Variants in RGS6 observed in about 807,000 individuals in gnomAD.
RGS6 encodes regulator of G-protein signaling 6.
A neutral mutation model predicts 78.5 loss-of-function variants in RGS6; 30 were observed. The ratio of observed to expected loss-of-function variants is 0.38; its 90% confidence interval spans 0.29 to 0.52. The LOEUF is 0.52. Among genes scored for constraint, RGS6 ranks in the 20% least tolerant of loss-of-function variants. The probability of loss-of-function intolerance (pLI) is 0.85; values close to 1 mark genes in which losing one functional copy is unlikely to be tolerated. For synonymous variants in RGS6, 206 were observed against 206.0 expected (o/e 1.00, Z 0.00); for missense variants, 495 against 609.7 (o/e 0.81, Z 1.98).
At chr14:71,999,823 C>T (rs1248571578) in intron 2 of RGS6, among the ~76,000 whole-genome samples, 1 of 115,870 alleles carries the variant, frequency 8.6e-6, no homozygotes, top group South Asian at 2.9e-4. Flanking sequence ...ATGCTAGCAT[C>T]ATGCTTCCTG....
At chr14:72,352,003 T>A in intron 2 of RGS6, 92 bp from the exon 3 acceptor site, 1 of 865,960 alleles carries the variant, frequency 1.2e-6, no homozygotes, top group Non-Finnish European at 1.8e-6. Flanking sequence ...ATTGTTGACA[T>A]CCATGTTTAT....
At chr14:72,015,034 G>C (rs2086654600) in intron 2 of RGS6, among the ~76,000 whole-genome samples, 1 of 152,156 alleles carries the variant, frequency 6.6e-6, no homozygotes, top group Non-Finnish European at 1.5e-5. Flanking sequence ...GTCCATTTGT[G>C]TTGCTATAAA....
chr14:72,224,790 A>G (rs2047719988), intron 2 of RGS6, among the ~76,000 whole-genome samples: 1 of 152,090 alleles, frequency 6.6e-6, no homozygotes, highest in African/African-American at 2.4e-5. Flanking sequence ...CTCTACATCA[A>G]GAGCCTCTGA....
intron 3 of RGS6, among the ~76,000 whole-genome samples, chr14:72,441,142 G>C (rs2095181217): frequency 6.6e-6 from 1 of 152,148 alleles, no homozygotes; most frequent in Non-Finnish European, 1.5e-5. Flanking sequence ...GATATTGAGG[G>C]GTAGGGATTA....
At chr14:72,095,335 C>T (rs2095378272) in intron 2 of RGS6, among the ~76,000 whole-genome samples, 1 of 152,088 alleles carries the variant, frequency 6.6e-6, no homozygotes, top group African/African-American at 2.4e-5. Flanking sequence ...CTGTCAGAGA[C>T]CCAGTTTCTT....
the RGS6 span, among the ~76,000 whole-genome samples, chr14:71,903,270 T>C: frequency 6.6e-6 from 1 of 152,224 alleles, no homozygotes; most frequent in Non-Finnish European, 1.5e-5. Context: ...TCCTAACCGG[T>C]TGAGGTCCTT....
chr14:71,871,821 C>T, the RGS6 span, among the ~76,000 whole-genome samples: 1 of 152,202 alleles, frequency 6.6e-6, no homozygotes, highest in Non-Finnish European at 1.5e-5. Context: ...ATCTAGCCAA[C>T]AGCATTCTTT....
intron 2 of RGS6, among the ~76,000 whole-genome samples, chr14:72,185,455 T>C (rs1178211692): frequency 6.6e-6 from 1 of 152,180 alleles, no homozygotes; most frequent in Admixed American, 6.5e-5. Flanking sequence ...TAGAAAACTC[T>C]TGATGAGAGT....
At chr14:72,045,428 G>C (rs2092754863) in intron 2 of RGS6, among the ~76,000 whole-genome samples, 2 of 152,134 alleles carry the variant, frequency 1.3e-5, no homozygotes, top group Non-Finnish European at 2.9e-5. Context: ...ATTTGCTGTA[G>C]CTGTAGGTGC....
intron 2 of RGS6, among the ~76,000 whole-genome samples, chr14:72,298,530 C>T (rs1337865201): frequency 6.6e-6 from 1 of 150,426 alleles, no homozygotes; most frequent in Non-Finnish European, 1.5e-5. Flanking sequence ...TCACTGCAAG[C>T]TCCGCCTCCC....
At chr14:71,904,317 A>C in the RGS6 span, among the ~76,000 whole-genome samples, 1 of 152,206 alleles carries the variant, frequency 6.6e-6, no homozygotes, top group Admixed American at 6.5e-5. Flanking sequence ...TTCACCCCTG[A>C]CACAGGGATT....
intron 2 of RGS6, among the ~76,000 whole-genome samples, chr14:72,077,632 T>G (rs987085986): frequency 7.9e-5 from 12 of 151,994 alleles, no homozygotes; most frequent in African/African-American, 2.9e-4. Flanking sequence ...TCTGCCTGTC[T>G]TTTTTTTGTG....
At chr14:72,335,989 T>C (rs1425361034) in intron 2 of RGS6, among the ~76,000 whole-genome samples, 1 of 152,214 alleles carries the variant, frequency 6.6e-6, no homozygotes, top group Non-Finnish European at 1.5e-5. Flanking sequence ...CAGTGTGAAC[T>C]GGAAGCAGAT....
At chr14:72,501,579 T>C (rs1024384449) in intron 13 of RGS6, among the ~76,000 whole-genome samples, 7 of 152,186 alleles carry the variant, frequency 4.6e-5, no homozygotes, top group African/African-American at 1.4e-4. Context: ...GGGCTTCTCA[T>C]TGAGGAGAAG....
intron 1 of RGS6, among the ~76,000 whole-genome samples, chr14:71,936,937 C>T (rs905728655): frequency 5.9e-5 from 9 of 152,160 alleles, no homozygotes; most frequent in African/African-American, 2.2e-4. Context: ...AGGTTCTTTT[C>T]CCTGGTGGAG....
At chr14:72,556,134 AATTAT>A (rs1189426409) in intron 17 of RGS6, among the ~76,000 whole-genome samples, 24 of 152,332 alleles carry the variant, frequency 1.6e-4, no homozygotes, top group Admixed American at 3.3e-4. Context: ...GGTAGTTGCC[AATTAT>A]ATTAGTCCAT....
At chr14:72,577,167 T>G in the RGS6 span, among the ~76,000 whole-genome samples, 175 of 152,352 alleles carry the variant, frequency 1.1e-3, no homozygotes, top group African/African-American at 4.0e-3. Flanking sequence ...ATTGCCTTCA[T>G]TATAATCAGT....
At chr14:72,522,896 T>A (rs75845923) in intron 15 of RGS6, among the ~76,000 whole-genome samples, 3,106 of 152,334 alleles carry the variant, frequency 0.02, 46 homozygotes, top group Middle Eastern at 0.058. Context: ...ATAAAGGATC[T>A]TCAGTTTTTG....
At chr14:72,076,979 A>G (rs2094600705) in intron 2 of RGS6, among the ~76,000 whole-genome samples, 1 of 149,120 alleles carries the variant, frequency 6.7e-6, no homozygotes, top group South Asian at 2.1e-4. Context: ...TAAATGTTAT[A>G]TATATATAGC....
Sources: allele counts gnomAD v4.1 joint callset (sites outside exome capture counted in the v4.1 genomes callset), GRCh38; gene constraint gnomAD v4.1.1; transcripts MANE v1.5; gene names NCBI Gene and HGNC (gene_info 2026-07-23, HGNC 2026-07-21).